The following TGM6 variants were observed in gnomAD, a reference collection of about 807,000 sequenced individuals.
TGM6 encodes the protein transglutaminase 6.
A neutral mutation model predicts 77.5 loss-of-function variants in TGM6; 74 were observed. That is an observed-to-expected ratio of 0.96 (90% CI 0.79 to 1.16). The LOEUF is 1.16. Among genes scored for constraint, TGM6 ranks in the 50% most tolerant of loss-of-function variants. TGM6 has a pLI of 0.00. For synonymous variants in TGM6, 383 were observed against 378.9 expected (o/e 1.01, Z -0.12); for missense variants, 968 against 940.2 (o/e 1.03, Z -0.39).
At chr20:2,428,585 A>G (rs78997416) in intron 10 of TGM6, among the ~76,000 whole-genome samples, 2,853 of 152,262 alleles carry the variant, frequency 0.019, 32 homozygotes, top group Non-Finnish European at 0.027. Context: ...TAATGTATAT[A>G]AAGTATTTGG....
intron 1 of TGM6, among the ~76,000 whole-genome samples, chr20:2,388,160 T>A (rs1249553454): frequency 6.6e-6 from 1 of 152,182 alleles, no homozygotes; most frequent in Non-Finnish European, 1.5e-5. Context: ...ATCAACATCA[T>A]ATTGAAAGAA....
intron 7 of TGM6, 123 bp from the exon 8 acceptor site, chr20:2,403,274 G>A: frequency 1.0e-6 from 1 of 963,354 alleles, no homozygotes. Context: ...TTGAATGAGT[G>A]ATTCACAACA....
rs2084692972 is a variant in TGM6 at position 2,399,710 on chromosome 20, C to T, written c.822C>T (p.Cys274=). 6.2e-7 allele frequency: 1 copy of T among 1,613,638 alleles called. No individual in the cohort carries two copies. Among genetic ancestry groups the T allele is most frequent in the Non-Finnish European group, 8.5e-7 (1 of 1,179,854 alleles). Residue 274 remains cysteine, a synonymous_variant, in exon 6 of 13, where the codon TGC becomes TGT. Coordinates refer to ENST00000202625, the MANE Select transcript of TGM6 (RefSeq NM_198994.3). ...GRYKPVKYGQ[C]WVFAGVLCTV... ...ACAAGCCAGTCAAGTACGGCCAGTG[C>T]TGGGTCTTCGCCGGAGTCCTGTGCA...
intron 10 of TGM6, among the ~76,000 whole-genome samples, chr20:2,425,554 A>G (rs748122814): frequency 6.6e-6 from 1 of 152,168 alleles, no homozygotes; most frequent in Non-Finnish European, 1.5e-5. Flanking sequence ...CACTGTCTTG[A>G]TGACTGTACC....
At position 2,391,466 on chromosome 20, in the gene TGM6, G is replaced by C. The variant is rs529064569; in HGVS notation, c.8-2986G>C. Among the ~76,000 whole-genome samples, 10 of 151,884 alleles carry C rather than the reference G, an allele frequency of 6.6e-5. No homozygotes were observed. In the South Asian group the frequency reaches 2.1e-3, roughly 32 times the overall value. On this transcript the variant is annotated intron_variant, in intron 1 of 12. Transcript: ENST00000202625. ...GCAGGAGGTTGTGGAGGTAGAGTCT[G>C]ATGCAGCCAGTGCAAAGAGTAACTG... is the stretch of plus-strand genomic sequence containing the variant.
chr20:2,403,308 G>A (rs1170049653), intron 7 of TGM6, 89 bp from the exon 8 acceptor site: 2 of 1,389,868 alleles, frequency 1.4e-6, no homozygotes, highest in Non-Finnish European at 2.0e-6. Context: ...CTTGTGGAAA[G>A]TAGGGAGCCC....
chr20:2,405,655 G>T (rs181317972), intron 9 of TGM6, among the ~76,000 whole-genome samples: 61 of 152,318 alleles, frequency 4.0e-4, no homozygotes, highest in Non-Finnish European at 7.3e-4. Context: ...ACTAATTCCT[G>T]TGCTGTTCCT....
chr20:2,398,044 A>T lies in TGM6; in HGVS notation c.670A>T (p.Met224Leu), dbSNP rs767860196. The T allele has an allele frequency of 2.5e-6, 4 of 1,614,108 alleles. No homozygotes were observed. In the Admixed American group the frequency reaches 6.7e-5, roughly 27 times the overall value. The change falls in exon 5 of 13, where the codon ATG becomes TTG. Residue 224 changes from methionine to leucine, a missense_variant and splice_region_variant. Transcript: ENST00000202625. ...PIYVTRVISA[M>L]VNSNNDRGVV... ...CTACGTCACCAGGGTCATCAGTGCC[A>T]TGGTGAGAAGCCCCTCCATCCCTGC...
chr20:2,406,657 G>A lies in TGM6; in HGVS notation c.1336+2834G>A, dbSNP rs369760732. On this transcript the variant is annotated intron_variant, in intron 9 of 12. Coordinates refer to ENST00000202625, the MANE Select transcript of TGM6 (RefSeq NM_198994.3). ...TCGAGACCAGCCTGGCCAACATGGC[G>A]AAAACCCGTCTCTACTAAAAATACA... Among the ~76,000 whole-genome samples, 10 of 150,364 alleles carry A rather than the reference G, an allele frequency of 6.7e-5. No homozygotes were observed. In the South Asian group the frequency reaches 1.1e-3, roughly 16 times the overall value.
intron 1 of TGM6, among the ~76,000 whole-genome samples, chr20:2,384,483 A>G (rs6113955): frequency 0.16 from 24,522 of 152,150 alleles, 2,094 homozygotes; most frequent in South Asian, 0.32. Context: ...GTAAATAGTA[A>G]TGATGATACC....
chr20:2,406,960 A>G (rs559861405), intron 9 of TGM6, among the ~76,000 whole-genome samples: 121 of 151,006 alleles, frequency 8.0e-4, no homozygotes, highest in South Asian at 2.5e-3. Context: ...CCATTTTCAC[A>G]TGTTATGTAG....
chr20:2,395,093 A>AG (rs2084654071), intron 2 of TGM6, 101 bp from the exon 3 acceptor site: 1 of 1,539,776 alleles, frequency 6.5e-7, no homozygotes, highest in African/African-American at 1.4e-5. Flanking sequence ...CCAGAAGTTC[A>AG]GGGGGTGAAG....
intron 9 of TGM6, among the ~76,000 whole-genome samples, chr20:2,408,672 G>A (rs565040123): frequency 9.6e-4 from 146 of 152,290 alleles, no homozygotes; most frequent in African/African-American, 3.3e-3. Context: ...GCCTTGTTTT[G>A]TTGATTGCAG....
chr20:2,421,153 A>AT (rs2084854209), intron 10 of TGM6, among the ~76,000 whole-genome samples: 1 of 151,870 alleles, frequency 6.6e-6, no homozygotes, highest in Non-Finnish European at 1.5e-5. Flanking sequence ...CACCTAGTTA[A>AT]TTTTTGTATT....
intron 10 of TGM6, 145 bp from the exon 11 acceptor site, chr20:2,430,299 TGA>T: frequency 8.9e-7 from 1 of 1,120,974 alleles, no homozygotes; most frequent in Non-Finnish European, 1.3e-6. Flanking sequence ...TTTCTTCATC[TGA>T]GAACCGAGGA....
intron 6 of TGM6, 28 bp from the exon 7 acceptor site, chr20:2,400,278 G>T: frequency 6.2e-7 from 1 of 1,613,702 alleles, no homozygotes. Flanking sequence ...CCAGGGTCCC[G>T]CCTGCTCCGA....
At chr20:2,404,389 G>T (rs1242579886) in intron 9 of TGM6, among the ~76,000 whole-genome samples, 2 of 152,132 alleles carry the variant, frequency 1.3e-5, no homozygotes, top group Admixed American at 1.3e-4. Flanking sequence ...TTCCCACTGT[G>T]TAACAGGTTC....
intron 9 of TGM6, among the ~76,000 whole-genome samples, chr20:2,415,899 G>A (rs919640505): frequency 2.0e-5 from 3 of 152,092 alleles, no homozygotes; most frequent in African/African-American, 4.8e-5. Context: ...GTGTATCAGG[G>A]GCCCTAAACT....
intron 1 of TGM6, among the ~76,000 whole-genome samples, chr20:2,382,369 G>T (rs1353956564): frequency 3.3e-5 from 5 of 152,134 alleles, no homozygotes; most frequent in Admixed American, 6.5e-5. Context: ...GATTGCCTTT[G>T]TTCCTCCAAG....
Sources: allele counts gnomAD v4.1 joint callset (sites outside exome capture counted in the v4.1 genomes callset), GRCh38; gene constraint gnomAD v4.1.1; transcripts MANE v1.5; gene names NCBI Gene and HGNC (gene_info 2026-07-23, HGNC 2026-07-21).